Variants in SLC25A20 observed in about 807,000 individuals in gnomAD.
SLC25A20 encodes solute carrier family 25 member 20, also known as mitochondrial carnitine/acylcarnitine carrier protein.
Under a neutral mutation model 39.7 loss-of-function variants are expected in SLC25A20, and 29 were observed. That is an observed-to-expected ratio of 0.73 (90% CI 0.54 to 1.00). The LOEUF (loss-of-function observed/expected upper bound fraction) is 1.00. SLC25A20 is among the 50% of genes least tolerant of loss of function. The pLI is 0.00. For synonymous variants in SLC25A20, 103 were observed against 142.2 expected (o/e 0.72, Z 1.96); for missense variants, 333 against 379.9 (o/e 0.88, Z 1.03).
chr3:48,863,210 A>G lies in SLC25A20; in HGVS notation c.418-551T>C, dbSNP rs540352745. Among the ~76,000 whole-genome samples the G allele has an allele frequency of 2.7e-4, 41 of 152,288 alleles. 2 individuals are homozygous for G. In the South Asian group the frequency reaches 8.1e-3, roughly 30 times the overall value. On this transcript the variant is annotated intron_variant, in intron 4 of 8. Transcript: ENST00000319017. Reference sequence around the variant, plus strand: ...CTGTCTCAAAATTTAAAAATAAAAAATAAGTTGAGGAAATCTGTCAAACAC... The same window carrying G: ...CTGTCTCAAAATTTAAAAATAAAAAGTAAGTTGAGGAAATCTGTCAAACAC...
At chr3:48,869,632 G>A (rs939428259) in intron 4 of SLC25A20, among the ~76,000 whole-genome samples, 4 of 151,828 alleles carry the variant, frequency 2.6e-5, no homozygotes, top group African/African-American at 7.3e-5. Context: ...GGAGATCAGC[G>A]AGGGCAATTA....
chr3:48,857,201 T>C lies in SLC25A20; in HGVS notation c.*509A>G, dbSNP rs1267194431. On this transcript the variant is annotated 3_prime_UTR_variant, in exon 9 of 9. Transcript: ENST00000319017. ...CCTAGGCATATATGCTCAATCCACT[T>C]GGACACAGAGGTGGGCCTCAAGTCC... The C allele has an allele frequency of 6.0e-6, 1 of 165,462 alleles. No individual in the cohort carries two copies. The highest frequency in any genetic ancestry group is 1.7e-4 in the East Asian group (1 of 6,012). 10.2% of individuals were successfully genotyped at this position (165,462 alleles called of 1,614,324 possible).
chr3:48,869,770 C>A (rs1039735763), intron 4 of SLC25A20, among the ~76,000 whole-genome samples: 1 of 151,942 alleles, frequency 6.6e-6, no homozygotes, highest in Non-Finnish European at 1.5e-5. Context: ...CGTTATCAGA[C>A]CACTACACTC....
chr3:48,889,082 C>T (rs1265634878), intron 2 of SLC25A20, among the ~76,000 whole-genome samples: 1 of 150,814 alleles, frequency 6.6e-6, no homozygotes, highest in Non-Finnish European at 1.5e-5. Context: ...AAGAGCAAAA[C>T]TCCGTCTCAA....
At chr3:48,865,639 T>TGGTGGCAC (rs2106639914) in intron 4 of SLC25A20, among the ~76,000 whole-genome samples, 1 of 146,590 alleles carries the variant, frequency 6.8e-6, no homozygotes, top group African/African-American at 2.5e-5. Flanking sequence ...TAGCTGGGTG[T>TGGTGGCAC]GTGCCTGTAG....
chr3:48,878,410 T>G (rs941149214), intron 4 of SLC25A20, among the ~76,000 whole-genome samples: 3 of 151,538 alleles, frequency 2.0e-5, no homozygotes, highest in African/African-American at 7.3e-5. Flanking sequence ...CATGGCTCAG[T>G]GCAGCCTCAA....
At chr3:48,864,481 G>A (rs937224485) in intron 4 of SLC25A20, among the ~76,000 whole-genome samples, 1 of 151,046 alleles carries the variant, frequency 6.6e-6, no homozygotes, top group Non-Finnish European at 1.5e-5. Flanking sequence ...AATTCTAGTT[G>A]GGAAAAGTTT....
Position 48,857,653 on chromosome 3 carries a change from C to A in SLC25A20, c.*57G>T, listed in dbSNP as rs2083589974. 6.5e-7 allele frequency: 1 copy of A among 1,530,144 alleles called. No homozygotes were observed. Among genetic ancestry groups the A allele is most frequent in the Non-Finnish European group, 9.0e-7 (1 of 1,107,106 alleles). The allele number at this position is 1,530,144 out of a possible 1,614,324, so 94.8% of individuals were successfully genotyped here. Reference sequence around the variant, plus strand: ...AGACTGCTTAGTTCTGCTTACTACTCCTTCTCCTCAACGACAGCTTCCAGC... The same window carrying A: ...AGACTGCTTAGTTCTGCTTACTACTACTTCTCCTCAACGACAGCTTCCAGC... On this transcript the variant is annotated 3_prime_UTR_variant, in exon 9 of 9. Transcript: ENST00000319017.
chr3:48,877,743 A>C (rs961087066), intron 4 of SLC25A20, among the ~76,000 whole-genome samples: 17 of 151,942 alleles, frequency 1.1e-4, no homozygotes, highest in Non-Finnish European at 2.2e-4. Flanking sequence ...AAAAGAAATA[A>C]AGAAAGAAAA....
Position 48,873,775 on chromosome 3 carries a change from C to G in SLC25A20, c.417+5583G>C, listed in dbSNP as rs1206026841. 2.7e-5 allele frequency among the ~76,000 whole-genome samples: 4 copies of G among 147,426 alleles called. No homozygotes were observed. In the East Asian group the frequency reaches 6.1e-4, roughly 23 times the overall value. On this transcript the variant is annotated intron_variant, in intron 4 of 8. Coordinates refer to ENST00000319017, the MANE Select transcript of SLC25A20 (RefSeq NM_000387.6). ...TGGGCGGATCACGAGGTCAGGAGATCGAGATCACGGTGAAACCCCGTCTCT... is the reference window on the plus strand; with the variant it reads ...TGGGCGGATCACGAGGTCAGGAGATGGAGATCACGGTGAAACCCCGTCTCT...
chr3:48,859,017 T>G (rs1335921659), intron 7 of SLC25A20, 75 bp downstream of exon 7: 6 of 1,184,606 alleles, frequency 5.1e-6, no homozygotes, highest in Middle Eastern at 2.0e-4. Flanking sequence ...TAGGGCCTTA[T>G]GAGCTTTGCA....
In SLC25A20 at chr3:48,871,711, G is replaced by A. The variant is rs566096476; in HGVS notation, c.417+7647C>T. 3.4e-5 allele frequency among the ~76,000 whole-genome samples: 5 copies of A among 149,246 alleles called. No individual in the cohort carries two copies. The South Asian group carries it at 1.1e-3, about 32-fold the overall frequency. Reference sequence around the variant, plus strand: ...GAACCCGGGAGGCAGAGGTTGTGGTGAGCCAAGATCGCACCATTGCACTCC... The same window carrying A: ...GAACCCGGGAGGCAGAGGTTGTGGTAAGCCAAGATCGCACCATTGCACTCC... On this transcript the variant is annotated intron_variant, in intron 4 of 8. Transcript: ENST00000319017.
intron 4 of SLC25A20, among the ~76,000 whole-genome samples, chr3:48,866,690 C>CACTCTGTTCCTCAGGCTCAAGTACAGTG (rs71077744): frequency 2.0e-5 from 3 of 151,952 alleles, no homozygotes; most frequent in African/African-American, 7.2e-5. Context: ...GACAGGTTCC[C>CACTCTGTTCCTCAGGCTCAAGTACAGTG]GATGATCTCT....
chr3:48,874,599 C>A (rs1290745859), intron 4 of SLC25A20, among the ~76,000 whole-genome samples: 1 of 152,152 alleles, frequency 6.6e-6, no homozygotes, highest in Non-Finnish European at 1.5e-5. Flanking sequence ...ATGTTTATGG[C>A]ATCTTTATTC....
At chr3:48,896,955 G>C (rs529066999) in intron 1 of SLC25A20, among the ~76,000 whole-genome samples, 1 of 151,798 alleles carries the variant, frequency 6.6e-6, no homozygotes, top group African/African-American at 2.4e-5. Context: ...CTGTTCTAAC[G>C]CACCACCTTC....
chr3:48,893,564 C>T (rs925591149), intron 1 of SLC25A20, among the ~76,000 whole-genome samples: 1 of 151,934 alleles, frequency 6.6e-6, no homozygotes, highest in African/African-American at 2.4e-5. Flanking sequence ...GACAGGGTCT[C>T]ACTGTCTCGC....
intron 4 of SLC25A20, among the ~76,000 whole-genome samples, chr3:48,872,416 C>T (rs2083723437): frequency 6.6e-6 from 1 of 151,920 alleles, no homozygotes; most frequent in Non-Finnish European, 1.5e-5. Flanking sequence ...AGGTATGAGC[C>T]ACCATGCCCG....
intron 4 of SLC25A20, among the ~76,000 whole-genome samples, chr3:48,878,570 C>G (rs1033095205): frequency 6.6e-6 from 1 of 151,798 alleles, no homozygotes; most frequent in African/African-American, 2.4e-5. Context: ...GAGGCCGAGG[C>G]AGGTGGATCA....
intron 2 of SLC25A20, among the ~76,000 whole-genome samples, chr3:48,886,471 C>T (rs1343777342): frequency 1.3e-5 from 2 of 151,766 alleles, no homozygotes; most frequent in East Asian, 3.9e-4. Context: ...TGCAGTGAGC[C>T]GAGATCGCGC....
Sources: gnomAD v4.1 joint callset for allele counts (sites outside exome capture counted in the v4.1 genomes callset) on GRCh38, gnomAD v4.1.1 for gene constraint, MANE v1.5 for transcripts, NCBI Gene and HGNC (gene_info 2026-07-23, HGNC 2026-07-21) for gene names.